Variants in GTF3A observed in about 807,000 individuals in gnomAD.
The protein encoded by GTF3A is transcription factor IIIA.
Under a neutral mutation model 37.6 loss-of-function variants are expected in GTF3A, and 40 were observed. The ratio of observed to expected loss-of-function variants is 1.06; its 90% CI spans 0.83 to 1.38. The LOEUF (loss-of-function observed/expected upper bound fraction) is 1.38. Ranked by LOEUF, GTF3A falls within the 40% of genes most tolerant of loss-of-function variation. The pLI is 0.00. For missense variants in GTF3A, 500 were observed against 462.6 expected (o/e 1.08, Z -0.74); for synonymous variants, 191 against 166.7 (o/e 1.15, Z -1.12).
intron 2 of GTF3A, among the ~76,000 whole-genome samples, chr13:27,428,113 T>G (rs762804711): frequency 1.7e-4 from 26 of 152,090 alleles, no homozygotes; most frequent in African/African-American, 6.0e-4. Flanking sequence ...ATTAAAGAAA[T>G]AAATAAATAA....
intron 6 of GTF3A, 90 bp from the exon 7 acceptor site, chr13:27,434,715 C>A: frequency 1.5e-6 from 1 of 675,160 alleles, no homozygotes; most frequent in Non-Finnish European, 2.6e-6. Context: ...AGGTTTCAGG[C>A]ACTGAATGTT....
At chr13:27,432,673 T>G in intron 4 of GTF3A, 58 bp from the exon 5 acceptor site, 1 of 1,405,648 alleles carries the variant, frequency 7.1e-7, no homozygotes, top group South Asian at 1.2e-5. Context: ...GCCATTGACC[T>G]TGAGCGGAGT....
chr13:27,425,036 A>G (rs919860479), intron 1 of GTF3A, 98 bp downstream of exon 1: 25 of 807,882 alleles, frequency 3.1e-5, no homozygotes, highest in Non-Finnish European at 4.6e-5. Context: ...CCCGCTGTGC[A>G]GCGCGTTCAG....
chr13:27,433,527 C>CAA (rs71657128), intron 5 of GTF3A, among the ~76,000 whole-genome samples: 30 of 116,798 alleles, frequency 2.6e-4, no homozygotes, highest in Non-Finnish European at 4.3e-4. Context: ...AAAAAAAAAA[C>CAA]AAAAAAAAAC....
chr13:27,433,802 T>A (rs967917287), intron 5 of GTF3A, among the ~76,000 whole-genome samples: 1 of 152,160 alleles, frequency 6.6e-6, no homozygotes, highest in Non-Finnish European at 1.5e-5. Flanking sequence ...ATACACAGCC[T>A]ACCCAACTTC....
At chr13:27,433,541 T>TG (rs1555258351) in intron 5 of GTF3A, among the ~76,000 whole-genome samples, 1 of 140,306 alleles carries the variant, frequency 7.1e-6, no homozygotes, top group Non-Finnish European at 1.5e-5. Context: ...AAAAAACTTT[T>TG]TTTTTTTTTT....
chr13:27,432,896 AC>A, intron 5 of GTF3A, 92 bp downstream of exon 5: 1 of 1,035,634 alleles, frequency 9.7e-7, no homozygotes, highest in Non-Finnish European at 1.5e-6. Flanking sequence ...AAAGATGGGA[AC>A]CCTGTGAACA....
intron 1 of GTF3A, 29 bp downstream of exon 1, chr13:27,424,967 G>A: frequency 6.6e-7 from 1 of 1,503,894 alleles, no homozygotes; most frequent in Non-Finnish European, 9.0e-7. Flanking sequence ...CCAACCCTGG[G>A]CCTAGGGATG....
chr13:27,430,102 G>C, intron 3 of GTF3A, 136 bp downstream of exon 3: 1 of 433,066 alleles, frequency 2.3e-6, no homozygotes, highest in Non-Finnish European at 4.2e-6. Context: ...ACCAGCCTGG[G>C]AAACATAGTG....
chr13:27,429,914 A>C lies in GTF3A; in HGVS notation c.347A>C (p.Asn116Thr). Residue 116 changes from asparagine (N) to threonine (T), a missense_variant, in exon 3 of 9, where the codon AAC becomes ACC. By Grantham distance (65) the Asn-to-Thr change is moderately conservative. Transcript: ENST00000381140. ...GATCAAAAATTCAACACAAAATCAAACTTGAAGAAACATTTTGAACGCAAA... is the reference window on the plus strand; with the variant it reads ...GATCAAAAATTCAACACAAAATCAACCTTGAAGAAACATTTTGAACGCAAA... The C allele has an allele frequency of 6.5e-7, 1 of 1,539,728 alleles. No homozygotes were observed. Among genetic ancestry groups the C allele is most frequent in the South Asian group, 1.2e-5 (1 of 81,104 alleles).
intron 2 of GTF3A, among the ~76,000 whole-genome samples, chr13:27,428,036 G>A (rs2138022498): frequency 6.6e-6 from 1 of 152,314 alleles, no homozygotes; most frequent in Non-Finnish European, 1.5e-5. Flanking sequence ...CACTTTGAGA[G>A]GCTGAGGTGG....
rs1248290455 is a variant in GTF3A, at chr13:27,435,602, T to C, written c.*5T>C. The C allele has an allele frequency of 3.7e-6, 6 of 1,613,194 alleles. No individual in the cohort carries two copies. The highest frequency in any genetic ancestry group is 1.1e-5 in the South Asian group (1 of 91,066). ...GCAGTACTTACCCTTGGCTAAGAAC[T>C]GCACTGCTTTGTTTAAAGGACTGCA... On this transcript the variant is annotated 3_prime_UTR_variant, in exon 9 of 9. Transcript: ENST00000381140.
intron 1 of GTF3A, chr13:27,426,317 A>G (rs553511828): frequency 1.3e-5 from 2 of 152,382 alleles, no homozygotes; most frequent in African/African-American, 4.8e-5. Flanking sequence ...CCGCTGTGCA[A>G]GGTTCTGTGG....
chr13:27,435,018 A>G lies in GTF3A; in HGVS notation c.857A>G (p.Lys286Arg). 1 of 1,601,140 alleles carries G rather than the reference A, an allele frequency of 6.2e-7. No individual in the cohort carries two copies. The change falls in exon 7 of 9, where the codon AAA becomes AGA. Residue 286 changes from lysine (K) to arginine (R), a missense_variant. Transcript: ENST00000381140. ...GTGTGTGAACATGCTGGCTGTGGCA[A>G]AACATTTGCAATGAAAGTAAGCACT...
In GTF3A at chr13:27,435,460, T is replaced by C. The variant is rs1384473949; in HGVS notation, c.961T>C (p.Leu321=). The C allele has an allele frequency of 6.2e-7, 1 of 1,613,276 alleles. No homozygotes were observed. Among genetic ancestry groups the C allele is most frequent in the Non-Finnish European group, 8.5e-7 (1 of 1,179,532 alleles). ...CAAAAAATCTCGTGAAAAACGGAGTTTGGCCTCTCATCTCAGTGGATATAT... is the reference window on the plus strand; with the variant it reads ...CAAAAAATCTCGTGAAAAACGGAGTCTGGCCTCTCATCTCAGTGGATATAT... Residue 321 remains leucine (L), a synonymous_variant, in exon 9 of 9, where the codon TTG becomes CTG. Coordinates refer to ENST00000381140, the MANE Select transcript of GTF3A (RefSeq NM_002097.3).
chr13:27,434,973 A>G lies in GTF3A; in HGVS notation c.812A>G (p.His271Arg). 6.2e-7 allele frequency: 1 copy of G among 1,611,988 alleles called. No individual in the cohort carries two copies. The highest frequency in any genetic ancestry group is 8.5e-7 in the Non-Finnish European group (1 of 1,178,028). Reference sequence around the variant, plus strand: ...CTCCAAAGCCATATCCTCTCCTTCCATGAGGAAAGCCGCCCTTTTGTGTGT... The same window carrying G: ...CTCCAAAGCCATATCCTCTCCTTCCGTGAGGAAAGCCGCCCTTTTGTGTGT... The change falls in exon 7 of 9, where the codon CAT (histidine) becomes CGT (arginine). Residue 271 changes from histidine (H) to arginine (R), a missense_variant. His to Arg is a conservative substitution (Grantham distance 29). Coordinates refer to ENST00000381140, the MANE Select transcript of GTF3A (RefSeq NM_002097.3).
chr13:27,424,829 C>T lies in GTF3A; in HGVS notation c.92C>T (p.Pro31Leu). Residue 31 changes from proline (P) to leucine (L), a missense_variant, in exon 1 of 9, where the codon CCG becomes CTG. Coordinates refer to ENST00000381140, the MANE Select transcript of GTF3A (RefSeq NM_002097.3). ...GCCGGCGAGAGCTCAGCTCCGACCC[C>T]GCCGCGCCCCGCGCTTCCCAGGAGG... 1 of 1,550,986 alleles carries T rather than the reference C, an allele frequency of 6.4e-7. No individual in the cohort carries two copies. Among genetic ancestry groups the T allele is most frequent in the African/African-American group, 1.4e-5 (1 of 73,164 alleles).
At position 27,435,815 on chromosome 13, in the gene GTF3A, C is replaced by G. The variant is rs1401058104; in HGVS notation, c.*218C>G. 1 of 1,614,152 alleles carries G rather than the reference C, an allele frequency of 6.2e-7. No homozygotes were observed. Among genetic ancestry groups the G allele is most frequent in the South Asian group, 1.1e-5 (1 of 91,082 alleles). On this transcript the variant is annotated 3_prime_UTR_variant, in exon 9 of 9. Transcript: ENST00000381140. Reference sequence around the variant, plus strand: ...CGAAGAACACACATTAAAGCTTTTCCTCCTTGAACAGCTTGTGGCCTAGAT... The same window carrying G: ...CGAAGAACACACATTAAAGCTTTTCGTCCTTGAACAGCTTGTGGCCTAGAT...
Position 27,434,962 on chromosome 13 carries a change from C to T in GTF3A, c.801C>T (p.Ile267=), listed in dbSNP as rs1206329855. ...CTGTGTTTAATCTCCAAAGCCATATCCTCTCCTTCCATGAGGAAAGCCGCC... is the reference window on the plus strand; with the variant it reads ...CTGTGTTTAATCTCCAAAGCCATATTCTCTCCTTCCATGAGGAAAGCCGCC... The change falls in exon 7 of 9, where the codon ATC becomes ATT. Residue 267 remains isoleucine (I), a synonymous_variant. Coordinates refer to ENST00000381140, the MANE Select transcript of GTF3A (RefSeq NM_002097.3). 6.2e-7 allele frequency: 1 copy of T among 1,611,676 alleles called. No individual in the cohort carries two copies. The highest frequency in any genetic ancestry group is 8.5e-7 in the Non-Finnish European group (1 of 1,177,760).
Sources: gnomAD v4.1 joint callset for allele counts (sites outside exome capture counted in the v4.1 genomes callset) on GRCh38, gnomAD v4.1.1 for gene constraint, MANE v1.5 for transcripts, NCBI Gene and HGNC (gene_info 2026-07-23, HGNC 2026-07-21) for gene names.